Variants in KPNA7 observed in about 807,000 individuals in gnomAD.
The protein encoded by KPNA7 is karyopherin subunit alpha 7.
KPNA7 carries 54 observed loss-of-function variants against 53.7 expected under a neutral mutation model. The observed-to-expected ratio is 1.01, with a 90% CI of 0.81 to 1.26. The LOEUF is 1.26. KPNA7 is among the 50% of genes most tolerant of loss of function. The pLI is 0.00. For synonymous variants in KPNA7, 276 were observed against 259.3 expected (o/e 1.06, Z -0.62); for missense variants, 640 against 644.5 (o/e 0.99, Z 0.07).
chr7:99,187,678 C>T (rs1008572511), intron 7 of KPNA7, among the ~76,000 whole-genome samples: 2 of 151,150 alleles, frequency 1.3e-5, no homozygotes, highest in Non-Finnish European at 2.9e-5. Context: ...CTCAGCCTCC[C>T]GAGTAGCTGG....
At chr7:99,216,568 C>CTTT (rs386410805) in intron 1 of KPNA7, among the ~76,000 whole-genome samples, 7 of 24,884 alleles carry the variant, frequency 2.8e-4, no homozygotes, top group African/African-American at 7.3e-4. Context: ...CCAACACCCT[C>CTTT]TTTTTTTTTG....
At chr7:99,194,024 G>A (rs572624203) in intron 5 of KPNA7, among the ~76,000 whole-genome samples, 20 of 152,236 alleles carry the variant, frequency 1.3e-4, no homozygotes, top group African/African-American at 4.8e-4. Context: ...TATTCTGTTT[G>A]CTAATTCCAA....
intron 1 of KPNA7, among the ~76,000 whole-genome samples, chr7:99,213,290 C>A (rs1256018800): frequency 6.6e-6 from 1 of 151,844 alleles, no homozygotes. Flanking sequence ...CCACACCCCC[C>A]AGCTAACTTT....
In KPNA7 at chr7:99,184,121, T is replaced by C. The variant is rs532678595; in HGVS notation, c.1134+808A>G. On this transcript the variant is annotated intron_variant, in intron 8 of 10. Coordinates refer to ENST00000327442, the MANE Select transcript of KPNA7 (RefSeq NM_001145715.3). ...GCCTTGGCCTCCCAAAGTGCTGGGA[T>C]TACGGACATAAGCCACTGTGCCTGC... Among the ~76,000 whole-genome samples, 4 of 151,642 alleles carry C rather than the reference T, an allele frequency of 2.6e-5. No homozygotes were observed. In the East Asian group the frequency reaches 7.8e-4, roughly 30 times the overall value.
At chr7:99,189,380 A>T (rs1316979115) in intron 6 of KPNA7, among the ~76,000 whole-genome samples, 1 of 150,034 alleles carries the variant, frequency 6.7e-6, no homozygotes. Flanking sequence ...GCCTACCTCC[A>T]CCTCCCAAAG....
chr7:99,191,476 C>T (rs1789951095), intron 6 of KPNA7, among the ~76,000 whole-genome samples: 1 of 152,160 alleles, frequency 6.6e-6, no homozygotes, highest in African/African-American at 2.4e-5. Context: ...CCAGAAGGGC[C>T]TTTCTGAAAG....
chr7:99,146,813 A>C, the KPNA7 span, among the ~76,000 whole-genome samples: 1 of 151,836 alleles, frequency 6.6e-6, no homozygotes, highest in Non-Finnish European at 1.5e-5. Flanking sequence ...GCCTACCTTA[A>C]ATGTGCACAG....
At chr7:99,207,289 T>C in intron 2 of KPNA7, 112 bp downstream of exon 2, 2 of 836,928 alleles carry the variant, frequency 2.4e-6, no homozygotes, top group Non-Finnish European at 4.0e-6. Context: ...CGTCTCAGCC[T>C]CTCAAAGTGT....
intron 10 of KPNA7, among the ~76,000 whole-genome samples, chr7:99,175,445 C>T (rs1798862818): frequency 3.3e-5 from 5 of 151,956 alleles, no homozygotes; most frequent in Admixed American, 2.6e-4. Context: ...TCCCAAAGTG[C>T]TGCAATTATA....
intron 5 of KPNA7, among the ~76,000 whole-genome samples, 185 bp downstream of exon 5, chr7:99,194,885 G>A (rs762067061): frequency 2.0e-5 from 3 of 152,074 alleles, no homozygotes; most frequent in South Asian, 2.1e-4. Context: ...GATTACAGAC[G>A]TGAGCCACCG....
chr7:99,174,156 C>G (rs1798823980), intron 10 of KPNA7, among the ~76,000 whole-genome samples: 1 of 152,180 alleles, frequency 6.6e-6, no homozygotes, highest in Non-Finnish European at 1.5e-5. Context: ...GCTCTGCCTC[C>G]CTGTCAGACC....
At chr7:99,217,664 T>C (rs923522094) in intron 1 of KPNA7, among the ~76,000 whole-genome samples, 1 of 124,968 alleles carries the variant, frequency 8.0e-6, no homozygotes, top group African/African-American at 2.9e-5. Context: ...AGAGTCTTGC[T>C]CTGTCACCCA....
At chr7:99,157,758 ACTT>A in the KPNA7 span, among the ~76,000 whole-genome samples, 1 of 151,942 alleles carries the variant, frequency 6.6e-6, no homozygotes, top group Admixed American at 6.6e-5. Context: ...TTCATATATG[ACTT>A]CTTTTTACAC....
At chr7:99,151,578 T>G in the KPNA7 span, among the ~76,000 whole-genome samples, 1 of 151,282 alleles carries the variant, frequency 6.6e-6, no homozygotes, top group Non-Finnish European at 1.5e-5. Context: ...AGGCTCCCAA[T>G]CCTGAGATCA....
chr7:99,155,695 GAACT>G, the KPNA7 span, among the ~76,000 whole-genome samples: 6 of 151,624 alleles, frequency 4.0e-5, no homozygotes, highest in African/African-American at 1.5e-4. Flanking sequence ...TGAGTAGCTG[GAACT>G]AACAGTGCAT....
the KPNA7 span, among the ~76,000 whole-genome samples, chr7:99,168,284 T>C: frequency 2.0e-5 from 3 of 152,162 alleles, no homozygotes; most frequent in Admixed American, 6.6e-5. Context: ...CAGAGTCTGT[T>C]TGAAGTGCAA....
chr7:99,194,797 G>GT (rs1396439109), intron 5 of KPNA7, among the ~76,000 whole-genome samples: 2 of 152,050 alleles, frequency 1.3e-5, no homozygotes, highest in East Asian at 3.9e-4. Flanking sequence ...TAGAGACGGG[G>GT]TTTCACCATG....
chr7:99,148,145 C>T, the KPNA7 span, among the ~76,000 whole-genome samples: 1 of 152,264 alleles, frequency 6.6e-6, no homozygotes, highest in South Asian at 2.1e-4. Flanking sequence ...TCACATTCCT[C>T]GAAAATACAA....
At chr7:99,178,865 C>G (rs1450268994) in intron 9 of KPNA7, among the ~76,000 whole-genome samples, 1 of 149,982 alleles carries the variant, frequency 6.7e-6, no homozygotes, top group Non-Finnish European at 1.5e-5. Context: ...TCACTACTCT[C>G]CCCACCTCCC....
Sources: allele counts gnomAD v4.1 joint callset (sites outside exome capture counted in the v4.1 genomes callset), GRCh38; gene constraint gnomAD v4.1.1; transcripts MANE v1.5; gene names NCBI Gene and HGNC (gene_info 2026-07-23, HGNC 2026-07-21).